ST3GAL6: variants seen among roughly 807,000 people sequenced by gnomAD.
ST3GAL6 encodes the protein ST3 beta-galactoside alpha-2,3-sialyltransferase 6.
A neutral mutation model predicts 40.5 loss-of-function variants in ST3GAL6; 31 were observed. The observed-to-expected ratio is 0.77, with a 90% CI of 0.58 to 1.03. The LOEUF is 1.03. Among genes scored for constraint, ST3GAL6 ranks in the 50% least tolerant of loss-of-function variants. ST3GAL6 has a pLI of 0.00. For synonymous variants in ST3GAL6, 129 were observed against 136.9 expected (o/e 0.94, Z 0.40); for missense variants, 357 against 393.2 (o/e 0.91, Z 0.78).
At chr3:98,761,095 A>C (rs944142478), upstream of ST3GAL6, among the ~76,000 whole-genome samples, 2 of 152,170 alleles carry the variant, frequency 1.3e-5, no homozygotes, top group Middle Eastern at 3.2e-3. Context: ...GAACAAAGGA[A>C]CTTTTGAGGT....
intron 1 of ST3GAL6, among the ~76,000 whole-genome samples, chr3:98,755,204 G>C (rs1406475152): frequency 5.3e-5 from 8 of 152,060 alleles, no homozygotes; most frequent in Admixed American, 2.0e-4. Context: ...CTGCCACCGC[G>C]CCTGACTGAT....
intron 1 of ST3GAL6, among the ~76,000 whole-genome samples, chr3:98,752,442 A>G (rs934128876): frequency 1.8e-4 from 28 of 151,558 alleles, no homozygotes; most frequent in African/African-American, 6.5e-4. Context: ...TATAAAATAT[A>G]TATTTTTTTC....
upstream of ST3GAL6, among the ~76,000 whole-genome samples, chr3:98,762,401 T>C (rs1221149508): frequency 1.3e-5 from 2 of 152,242 alleles, no homozygotes; most frequent in African/African-American, 4.8e-5. Context: ...TAACTTGTAT[T>C]AAATAGCATT....
At chr3:98,756,539 A>C in intron 1 of ST3GAL6, 2 of 1,252,206 alleles carry the variant, frequency 1.6e-6, no homozygotes, top group South Asian at 2.6e-5. Flanking sequence ...TTAAAAGTGC[A>C]GGTAAGCAAA....
intron 6 of ST3GAL6, among the ~76,000 whole-genome samples, chr3:98,785,988 C>G (rs1487588824): frequency 6.6e-6 from 1 of 152,074 alleles, no homozygotes; most frequent in African/African-American, 2.4e-5. Flanking sequence ...GCCTCCTACT[C>G]TGTTTTCAGC....
chr3:98,783,908 G>C (rs1325327322), intron 5 of ST3GAL6, among the ~76,000 whole-genome samples: 1 of 152,178 alleles, frequency 6.6e-6, no homozygotes, highest in Non-Finnish European at 1.5e-5. Context: ...ATGAATATAG[G>C]AGTGTGTACA....
chr3:98,763,400 G>T lies in ST3GAL6; in HGVS notation c.-51G>T. The T allele has an allele frequency of 7.8e-7, 1 of 1,289,848 alleles. No individual in the cohort carries two copies. The highest frequency in any genetic ancestry group is 1.0e-6 in the Non-Finnish European group (1 of 988,882). The allele number at this position is 1,289,848 out of a possible 1,614,324, so 79.9% of individuals were successfully genotyped here. On this transcript the variant is annotated 5_prime_UTR_variant, in exon 1 of 10. Coordinates refer to ENST00000483910, the MANE Select transcript of ST3GAL6 (RefSeq NM_001323368.2). ...TGACGGCCTGTCCAGGGGCTGAATGGACACAGGTGTCAGCAGGGCCACCTG... is the reference window on the plus strand; with the variant it reads ...TGACGGCCTGTCCAGGGGCTGAATGTACACAGGTGTCAGCAGGGCCACCTG...
intron 6 of ST3GAL6, among the ~76,000 whole-genome samples, chr3:98,787,073 G>T (rs2107331908): frequency 6.6e-6 from 1 of 152,092 alleles, no homozygotes; most frequent in Non-Finnish European, 1.5e-5. Context: ...TGGGGGTTTT[G>T]TGGGGTTACA....
intron 1 of ST3GAL6, among the ~76,000 whole-genome samples, chr3:98,739,918 C>A (rs1219860272): frequency 2.0e-5 from 3 of 151,974 alleles, no homozygotes; most frequent in African/African-American, 7.3e-5. Context: ...AATTTATAAT[C>A]TTATTTAATT....
At chr3:98,758,412 C>T (rs1937546612), upstream of ST3GAL6, among the ~76,000 whole-genome samples, 1 of 152,142 alleles carries the variant, frequency 6.6e-6, no homozygotes, top group South Asian at 2.1e-4. Context: ...TGCTTCAAAA[C>T]ATAAATTTGA....
chr3:98,778,637 G>T (rs186473284), intron 5 of ST3GAL6, among the ~76,000 whole-genome samples: 1 of 152,270 alleles, frequency 6.6e-6, no homozygotes, highest in African/African-American at 2.4e-5. Context: ...AAAGGAAATG[G>T]TCTCTTCCAT....
intron 8 of ST3GAL6, among the ~76,000 whole-genome samples, chr3:98,789,425 C>A (rs187022263): frequency 3.3e-5 from 5 of 152,290 alleles, no homozygotes; most frequent in Admixed American, 3.3e-4. Flanking sequence ...ATTTGCTATG[C>A]ATTCATAAAC....
chr3:98,769,349 A>G (rs992559378), intron 2 of ST3GAL6, among the ~76,000 whole-genome samples: 5 of 152,240 alleles, frequency 3.3e-5, no homozygotes, highest in Non-Finnish European at 5.9e-5. Context: ...ACCCAATGCC[A>G]GGTGGATAGT....
intron 6 of ST3GAL6, 85 bp downstream of exon 6, chr3:98,785,125 AG>A (rs1940573183): frequency 1.1e-6 from 1 of 925,906 alleles, no homozygotes; most frequent in Non-Finnish European, 1.6e-6. Context: ...TTTGACAGGA[AG>A]GGGAGATGTT....
intron 1 of ST3GAL6, among the ~76,000 whole-genome samples, chr3:98,742,520 A>G (rs1319207696): frequency 1.3e-5 from 2 of 152,216 alleles, no homozygotes; most frequent in African/African-American, 2.4e-5. Context: ...AGAGCAAAGC[A>G]GAATATCAGC....
intron 5 of ST3GAL6, among the ~76,000 whole-genome samples, chr3:98,779,862 A>G (rs1015090588): frequency 6.6e-6 from 1 of 152,230 alleles, no homozygotes; most frequent in Non-Finnish European, 1.5e-5. Context: ...CCATATACTT[A>G]ATGTAACAAC....
chr3:98,784,786 C>A (rs1337459762), intron 5 of ST3GAL6, among the ~76,000 whole-genome samples, 159 bp from the exon 6 acceptor site: 1 of 152,128 alleles, frequency 6.6e-6, no homozygotes, highest in East Asian at 1.9e-4. Context: ...AATCTTGTAT[C>A]TTTTTAATAC....
intron 5 of ST3GAL6, among the ~76,000 whole-genome samples, chr3:98,777,412 C>G (rs1295299392): frequency 6.6e-6 from 1 of 152,198 alleles, no homozygotes; most frequent in African/African-American, 2.4e-5. Context: ...TACTCCTCCC[C>G]CTCCCCCAGA....
intron 1 of ST3GAL6, chr3:98,733,046 G>C (rs1427824349): frequency 7.1e-7 from 1 of 1,417,456 alleles, no homozygotes; most frequent in Non-Finnish European, 9.2e-7. Flanking sequence ...AGACCGGTCT[G>C]GGCCGGGGTC....
Sources: gnomAD v4.1 joint callset for allele counts (sites outside exome capture counted in the v4.1 genomes callset) on GRCh38, gnomAD v4.1.1 for gene constraint, MANE v1.5 for transcripts, NCBI Gene and HGNC (gene_info 2026-07-23, HGNC 2026-07-21) for gene names.